Variants in FARS2 observed in about 807,000 individuals in gnomAD.
The protein encoded by FARS2 is phenylalanyl-tRNA synthetase 2, mitochondrial, also known as phenylalanine--tRNA ligase, mitochondrial.
A neutral mutation model predicts 46.4 loss-of-function variants in FARS2; 40 were observed. The observed-to-expected ratio is 0.86, with a 90% confidence interval of 0.67 to 1.12. The LOEUF is 1.12. Ranked by LOEUF, FARS2 falls within the 50% of genes most tolerant of loss-of-function variation. The pLI is 0.00. For missense variants in FARS2, 513 were observed against 567.9 expected (o/e 0.90, Z 0.98); for synonymous variants, 234 against 214.9 (o/e 1.09, Z -0.78).
chr6:5,675,633 G>C (rs564255724), intron 6 of FARS2, among the ~76,000 whole-genome samples: 15 of 152,184 alleles, frequency 9.9e-5, no homozygotes, highest in African/African-American at 3.6e-4. Context: ...TGAGATTTGT[G>C]TCTCCAAGTT....
chr6:5,304,813 G>A (rs557420597), intron 1 of FARS2, among the ~76,000 whole-genome samples: 18 of 152,240 alleles, frequency 1.2e-4, no homozygotes, highest in African/African-American at 4.3e-4. Flanking sequence ...ATTAAAGCAA[G>A]GGTATAGGTG....
chr6:5,326,236 G>A (rs1054841147), intron 1 of FARS2, among the ~76,000 whole-genome samples: 4 of 152,160 alleles, frequency 2.6e-5, no homozygotes, highest in African/African-American at 4.8e-5. Flanking sequence ...CCTCTGATGT[G>A]CAACTCACTG....
At chr6:5,400,462 G>T (rs1229039704) in intron 2 of FARS2, among the ~76,000 whole-genome samples, 1 of 151,454 alleles carries the variant, frequency 6.6e-6, no homozygotes, top group African/African-American at 2.4e-5. Context: ...ATGATTTTTA[G>T]TTTTATTGTA....
intron 4 of FARS2, among the ~76,000 whole-genome samples, chr6:5,515,598 T>G (rs1181353416): frequency 6.6e-6 from 1 of 152,060 alleles, no homozygotes; most frequent in Non-Finnish European, 1.5e-5. Context: ...CCAACTAATT[T>G]TTGTATTTTT....
At chr6:5,699,410 G>C (rs1207413032) in intron 6 of FARS2, among the ~76,000 whole-genome samples, 3 of 152,156 alleles carry the variant, frequency 2.0e-5, no homozygotes, top group Admixed American at 1.3e-4. Flanking sequence ...CCATAGACCA[G>C]CAGTATCAAC....
intron 6 of FARS2, among the ~76,000 whole-genome samples, chr6:5,626,878 CTG>C (rs1776059418): frequency 6.6e-6 from 1 of 152,238 alleles, no homozygotes; most frequent in Non-Finnish European, 1.5e-5. Context: ...GTGCAGCCTA[CTG>C]CACACATAGG....
intron 1 of FARS2, among the ~76,000 whole-genome samples, chr6:5,296,299 G>A (rs944588600): frequency 6.6e-5 from 10 of 151,656 alleles, no homozygotes; most frequent in East Asian, 1.9e-4. Flanking sequence ...CCATCACCAC[G>A]CCCAGCTAAT....
At chr6:5,616,027 A>C (rs1359385810) in intron 6 of FARS2, among the ~76,000 whole-genome samples, 2 of 151,060 alleles carry the variant, frequency 1.3e-5, no homozygotes, top group South Asian at 2.1e-4. Context: ...AAAAAAAAAA[A>C]AAAAAAAACA....
rs1344179809 is a variant in FARS2 at position 5,414,857 on chromosome 6, C to T, written c.772+10156C>T. Among the ~76,000 whole-genome samples the T allele has an allele frequency of 2.7e-5, 4 of 146,910 alleles. No individual in the cohort carries two copies. The South Asian group carries it at 6.7e-4, about 24-fold the overall frequency. ...TTGAGACAGAGTCTCACTCTGTCAC[C>T]CAGGCTTGAGTGCAGCATCGCGATC... On this transcript the variant is annotated intron_variant, in intron 3 of 6. Transcript: ENST00000274680.
intron 1 of FARS2, among the ~76,000 whole-genome samples, chr6:5,275,331 T>C (rs1366373271): frequency 1.3e-5 from 2 of 152,186 alleles, no homozygotes; most frequent in Non-Finnish European, 2.9e-5. Context: ...CCAACCTCAG[T>C]TTAAATTACA....
At chr6:5,616,360 T>C (rs149148121) in intron 6 of FARS2, among the ~76,000 whole-genome samples, 55 of 152,308 alleles carry the variant, frequency 3.6e-4, no homozygotes, top group African/African-American at 1.3e-3. Flanking sequence ...AGGAAAAATA[T>C]TGGAACAAGA....
rs1035723853 is a variant in FARS2 at position 5,751,860 on chromosome 6, C to G, written c.1218-19431C>G. Reference sequence around the variant, plus strand: ...CCACTTCAGTTTGTGCCTGAGTGCCCTATTAAACATTTCTTTTTAAGGCAT... The same window carrying G: ...CCACTTCAGTTTGTGCCTGAGTGCCGTATTAAACATTTCTTTTTAAGGCAT... On this transcript the variant is annotated intron_variant, in intron 6 of 6. Transcript: ENST00000274680. Among the ~76,000 whole-genome samples, 3 of 152,188 alleles carry G rather than the reference C, an allele frequency of 2.0e-5. 1 individual carries two copies. The highest frequency in any genetic ancestry group is 4.4e-5 in the Non-Finnish European group (3 of 68,030).
intron 6 of FARS2, among the ~76,000 whole-genome samples, chr6:5,720,744 T>C (rs1298382606): frequency 1.3e-5 from 2 of 152,258 alleles, no homozygotes; most frequent in African/African-American, 2.4e-5. Flanking sequence ...TAAAACTGTA[T>C]ATAAATGTTT....
chr6:5,502,658 C>T (rs756395420), intron 4 of FARS2, among the ~76,000 whole-genome samples: 3 of 152,202 alleles, frequency 2.0e-5, no homozygotes, highest in Admixed American at 6.5e-5. Context: ...CACAATGCAG[C>T]ATTTTTGCAT....
chr6:5,255,942 T>A, the FARS2 span, among the ~76,000 whole-genome samples: 3 of 152,180 alleles, frequency 2.0e-5, no homozygotes, highest in Non-Finnish European at 2.9e-5. Flanking sequence ...ATTTGACTTA[T>A]GATGATAATT....
At chr6:5,516,508 A>G (rs1768804432) in intron 4 of FARS2, among the ~76,000 whole-genome samples, 1 of 152,250 alleles carries the variant, frequency 6.6e-6, no homozygotes, top group Admixed American at 6.5e-5. Context: ...CGAAAGCTAT[A>G]GGGACCTAGG....
chr6:5,540,114 G>A (rs575613070), intron 4 of FARS2, among the ~76,000 whole-genome samples: 20 of 152,282 alleles, frequency 1.3e-4, no homozygotes, highest in Admixed American at 3.3e-4. Context: ...GCGTGGGTCC[G>A]GCCTCTTCAG....
At chr6:5,263,263 A>G (rs1018802725) in intron 1 of FARS2, among the ~76,000 whole-genome samples, 1 of 152,364 alleles carries the variant, frequency 6.6e-6, no homozygotes, top group Middle Eastern at 3.4e-3. Context: ...GTTGTAATCA[A>G]ATAAAACTTT....
intron 6 of FARS2, among the ~76,000 whole-genome samples, chr6:5,742,248 C>T (rs539820056): frequency 6.6e-6 from 1 of 152,332 alleles, no homozygotes; most frequent in South Asian, 2.1e-4. Flanking sequence ...GCAGCTTTCA[C>T]CCTTCCACAA....
Sources: gnomAD v4.1 joint callset for allele counts (sites outside exome capture counted in the v4.1 genomes callset) on GRCh38, gnomAD v4.1.1 for gene constraint, MANE v1.5 for transcripts, NCBI Gene and HGNC (gene_info 2026-07-23, HGNC 2026-07-21) for gene names.